TTLL7: variants seen among roughly 807,000 people sequenced by gnomAD.
TTLL7 encodes the protein tubulin tyrosine ligase like 7, also known as tubulin polyglutamylase TTLL7.
In TTLL7, 53 loss-of-function variants were observed where a neutral mutation model predicts 120.2. The observed-to-expected ratio is 0.44, with a 90% CI of 0.35 to 0.55. TTLL7 has a LOEUF of 0.55. Ranked by LOEUF, TTLL7 falls within the 20% of genes least tolerant of loss-of-function variation. TTLL7 has a pLI of 0.00. For missense variants in TTLL7, 803 were observed against 1,054.7 expected, an observed-to-expected ratio of 0.76 and a Z score of 3.31; for synonymous variants, 353 against 351.7, an observed-to-expected ratio of 1.00 and a Z score of -0.04.
chr1:83,921,515 A>T, intron 10 of TTLL7, 121 bp from the exon 11 acceptor site: 1 of 1,036,648 alleles, frequency 9.6e-7, no homozygotes, highest in African/African-American at 1.6e-5. Flanking sequence ...TATTAAACTT[A>T]TATATTCACT....
chr1:83,931,557 T>A (rs1209509665), intron 9 of TTLL7, among the ~76,000 whole-genome samples: 3 of 152,266 alleles, frequency 2.0e-5, no homozygotes, highest in African/African-American at 4.8e-5. Context: ...CTAGTACTTA[T>A]AACTATTACC....
chr1:83,893,579 T>C (rs996627349), intron 18 of TTLL7, among the ~76,000 whole-genome samples: 1 of 152,044 alleles, frequency 6.6e-6, no homozygotes. Flanking sequence ...ACATGAAGAA[T>C]TGGAAGCAGA....
chr1:83,959,687 C>T (rs74902347), intron 1 of TTLL7, among the ~76,000 whole-genome samples: 6,262 of 151,938 alleles, frequency 0.041, 152 homozygotes, highest in Middle Eastern at 0.099. Flanking sequence ...TTAACAACAA[C>T]CACAAAGATT....
intron 1 of TTLL7, chr1:83,983,812 C>G (rs1052098084): frequency 1.3e-5 from 2 of 152,270 alleles, no homozygotes; most frequent in African/African-American, 4.8e-5. Context: ...GGGCAAAAGG[C>G]TGAGTGCAGT....
At chr1:83,972,244 C>T (rs1651059672) in intron 1 of TTLL7, among the ~76,000 whole-genome samples, 1 of 152,064 alleles carries the variant, frequency 6.6e-6, no homozygotes, top group Admixed American at 6.6e-5. Flanking sequence ...TAAACATTAT[C>T]TGTACTCTGT....
chr1:83,927,110 A>G (rs1445020399), intron 10 of TTLL7, among the ~76,000 whole-genome samples: 1 of 152,170 alleles, frequency 6.6e-6, no homozygotes. Context: ...AGCAGTTGTG[A>G]TGGAATATCC....
In TTLL7 at chr1:83,906,454, A is replaced by G; in HGVS notation, c.2002T>C (p.Leu668=). The change falls in exon 17 of 21, where the codon TTG becomes CTG. Residue 668 remains leucine, a synonymous_variant. Transcript: ENST00000260505. ...TGTTCTTTTGTTTTCAGTTGCCGCAAAGACTCACTCTTAAATTTGAAAGAA... is the reference window on the plus strand; with the variant it reads ...TGTTCTTTTGTTTTCAGTTGCCGCAGAGACTCACTCTTAAATTTGAAAGAA... ...CSTNSQVSES[L]RQLKTKEQED... is the part of the protein sequence containing the mutation. 6.2e-7 allele frequency: 1 copy of G among 1,611,970 alleles called. No homozygotes were observed. The highest frequency in any genetic ancestry group is 8.5e-7 in the Non-Finnish European group (1 of 1,178,772).
intron 1 of TTLL7, among the ~76,000 whole-genome samples, chr1:83,981,721 A>G (rs1276598181): frequency 6.6e-6 from 1 of 151,888 alleles, no homozygotes; most frequent in East Asian, 1.9e-4. Context: ...AGTCCCCGCT[A>G]CTCAGGAGGC....
At chr1:83,914,328 T>TC in intron 14 of TTLL7, among the ~76,000 whole-genome samples, 1 of 133,424 alleles carries the variant, frequency 7.5e-6, no homozygotes, top group Non-Finnish European at 1.6e-5. Flanking sequence ...TCTCTCTTTT[T>TC]TTTTTTTTTT....
chr1:83,985,573 T>A (rs972377859), intron 1 of TTLL7, among the ~76,000 whole-genome samples: 1 of 152,116 alleles, frequency 6.6e-6, no homozygotes, highest in African/African-American at 2.4e-5. Context: ...ACAGATTTTT[T>A]AAAAGATAAG....
At chr1:83,978,535 T>G (rs1380031700) in intron 1 of TTLL7, among the ~76,000 whole-genome samples, 1 of 152,196 alleles carries the variant, frequency 6.6e-6, no homozygotes, top group African/African-American at 2.4e-5. Context: ...AGTCATCTAG[T>G]TTTTCTATGA....
At position 83,952,734 on chromosome 1, in the gene TTLL7, A is replaced by C. The variant is rs571634865; in HGVS notation, c.-176-347T>G. Among the ~76,000 whole-genome samples the C allele has an allele frequency of 1.1e-4, 16 of 152,350 alleles. No individual in the cohort carries two copies. In the East Asian group the frequency reaches 2.9e-3, roughly 28 times the overall value. On this transcript the variant is annotated intron_variant, in intron 1 of 20. Coordinates refer to ENST00000260505, the MANE Select transcript of TTLL7 (RefSeq NM_024686.6). ...ATTATACCATTTAATCTTTCAACAAACCTGTAAGGTAGAAGCTTTTATCCC... is the reference window on the plus strand; with the variant it reads ...ATTATACCATTTAATCTTTCAACAACCCTGTAAGGTAGAAGCTTTTATCCC...
intron 18 of TTLL7, among the ~76,000 whole-genome samples, chr1:83,903,481 C>T (rs748848098): frequency 2.0e-5 from 3 of 151,928 alleles, no homozygotes; most frequent in African/African-American, 4.8e-5. Flanking sequence ...TGAGGACTGG[C>T]GTCAGGACCC....
At chr1:83,895,762 G>A (rs939221698) in intron 18 of TTLL7, among the ~76,000 whole-genome samples, 3 of 152,060 alleles carry the variant, frequency 2.0e-5, no homozygotes, top group African/African-American at 7.2e-5. Context: ...ATCCAGCACT[G>A]CCTCACAATT....
At chr1:83,882,030 A>T (rs551287034) in intron 20 of TTLL7, among the ~76,000 whole-genome samples, 5,744 of 138,198 alleles carry the variant, frequency 0.042, 132 homozygotes, top group Middle Eastern at 0.1. Context: ...TAGGTGGGAA[A>T]TGAACAATGA....
At chr1:83,964,936 A>T (rs1650317516) in intron 1 of TTLL7, among the ~76,000 whole-genome samples, 1 of 152,114 alleles carries the variant, frequency 6.6e-6, no homozygotes, top group African/African-American at 2.4e-5. Context: ...AGTATTCAAA[A>T]TTATCCATAT....
At chr1:83,956,427 C>CTT (rs35592317) in intron 1 of TTLL7, among the ~76,000 whole-genome samples, 19,072 of 135,974 alleles carry the variant, frequency 0.14, 1,848 homozygotes, top group Non-Finnish European at 0.21. Flanking sequence ...ACCTAGCCCA[C>CTT]TTTTTTTTTT....
intron 9 of TTLL7, among the ~76,000 whole-genome samples, chr1:83,931,414 AC>A (rs1374623865): frequency 6.6e-6 from 1 of 150,632 alleles, no homozygotes; most frequent in African/African-American, 2.5e-5. Context: ...CCCAGCCCCT[AC>A]CCCAACCTTC....
intron 14 of TTLL7, among the ~76,000 whole-genome samples, chr1:83,914,696 T>C (rs1241960941): frequency 1.3e-5 from 2 of 152,154 alleles, no homozygotes; most frequent in African/African-American, 4.8e-5. Flanking sequence ...TAGCACTACC[T>C]TTCTGAAGCC....
Sources: gnomAD v4.1 joint callset for allele counts (sites outside exome capture counted in the v4.1 genomes callset) on GRCh38, gnomAD v4.1.1 for gene constraint, MANE v1.5 for transcripts, NCBI Gene and HGNC (gene_info 2026-07-23, HGNC 2026-07-21) for gene names.